The following JARID2 variants were observed in gnomAD, a reference collection of about 807,000 sequenced individuals.
JARID2 encodes the protein protein Jumonji.
Under a neutral mutation model 125.6 loss-of-function variants are expected in JARID2, and 21 were observed. That is an observed-to-expected ratio of 0.17 (90% CI 0.12 to 0.24). The LOEUF is 0.24. Ranked by LOEUF, JARID2 falls within the 10% of genes least tolerant of loss-of-function variation. The pLI is 1.00. For missense variants in JARID2, 1,303 were observed against 1,639.6 expected, an observed-to-expected ratio of 0.79 and a Z score of 3.55; for synonymous variants, 736 against 661.6, an observed-to-expected ratio of 1.11 and a Z score of -1.73.
chr6:15,508,939 G>C (rs1258131728), intron 12 of JARID2: 3 of 1,287,168 alleles, frequency 2.3e-6, no homozygotes, highest in Admixed American at 4.6e-5. Context: ...ATAAACCGTG[G>C]TATTTCATGA....
intron 1 of JARID2, among the ~76,000 whole-genome samples, chr6:15,294,308 T>G (rs1408454056): frequency 6.6e-6 from 1 of 152,296 alleles, no homozygotes; most frequent in East Asian, 1.9e-4. Context: ...TTCTTCTGCC[T>G]CAGCCTCCCG....
intron 3 of JARID2, among the ~76,000 whole-genome samples, chr6:15,448,949 T>C (rs189856441): frequency 7.4e-4 from 112 of 152,228 alleles, no homozygotes; most frequent in African/African-American, 2.3e-3. Context: ...TTTGCCCCCT[T>C]GTTCTATTTT....
chr6:15,312,666 C>T (rs1473000640), intron 1 of JARID2, among the ~76,000 whole-genome samples: 1 of 152,128 alleles, frequency 6.6e-6, no homozygotes. Flanking sequence ...ATGGTTTGTT[C>T]CTTCCTGTTA....
At chr6:15,378,588 G>C (rs970796948) in intron 2 of JARID2, among the ~76,000 whole-genome samples, 1 of 152,134 alleles carries the variant, frequency 6.6e-6, no homozygotes, top group African/African-American at 2.4e-5. Flanking sequence ...AGTCAAACAG[G>C]TATTTAATTC....
At chr6:15,304,967 A>C (rs1378071719) in intron 1 of JARID2, among the ~76,000 whole-genome samples, 1 of 151,974 alleles carries the variant, frequency 6.6e-6, no homozygotes, top group Non-Finnish European at 1.5e-5. Flanking sequence ...TTTTACAACC[A>C]GTTATGATGG....
chr6:15,317,231 G>C (rs1762208522), intron 1 of JARID2, among the ~76,000 whole-genome samples: 1 of 152,070 alleles, frequency 6.6e-6, no homozygotes. Flanking sequence ...TAGCTCTGAG[G>C]ACCAGTTGAA....
At chr6:15,507,479 C>T in intron 11 of JARID2, 63 bp downstream of exon 11, 1 of 1,425,802 alleles carries the variant, frequency 7.0e-7, no homozygotes. Context: ...TTGCTGAGAA[C>T]CAGGGCTGGG....
intron 1 of JARID2, chr6:15,368,810 G>T (rs1278991209): frequency 1.3e-5 from 6 of 448,344 alleles, no homozygotes; most frequent in African/African-American, 6.0e-5. Context: ...CGTCTTGGAG[G>T]TTTCATCTTT....
intron 4 of JARID2, among the ~76,000 whole-genome samples, chr6:15,462,178 C>T (rs1768484826): frequency 6.6e-6 from 1 of 152,092 alleles, no homozygotes; most frequent in Admixed American, 6.5e-5. Flanking sequence ...ATGCAAGTCA[C>T]CTTACAGATA....
rs530885661 is a variant in JARID2 at position 15,441,409 on chromosome 6, G to A, written c.324-10597G>A. 9.2e-5 allele frequency among the ~76,000 whole-genome samples: 14 copies of A among 152,218 alleles called. No homozygotes were observed. In the South Asian group the frequency reaches 2.7e-3, roughly 29 times the overall value. On this transcript the variant is annotated intron_variant, in intron 3 of 17. Coordinates refer to ENST00000341776, the MANE Select transcript of JARID2 (RefSeq NM_004973.4). ...TTAGCATTCCTTTTTTTCCCCTTAGGGGTGATCCCACAGCTGGAGTGTAAA... is the reference window on the plus strand; with the variant it reads ...TTAGCATTCCTTTTTTTCCCCTTAGAGGTGATCCCACAGCTGGAGTGTAAA...
At position 15,451,924 on chromosome 6, in the gene JARID2, T is replaced by C. The variant is rs532991685; in HGVS notation, c.324-82T>C. The C allele has an allele frequency of 3.9e-5, 51 of 1,324,604 alleles. 1 individual carries two copies. In the South Asian group the frequency reaches 6.8e-4, roughly 18 times the overall value. The allele number at this position is 1,324,604 out of a possible 1,614,324, so 82.1% of individuals were successfully genotyped here. A position where few individuals can be genotyped will look rare whatever the true frequency, so the allele number is the denominator to read the frequency against. On this transcript the variant is annotated intron_variant, in intron 3 of 17. Transcript: ENST00000341776. ...AAATAGGATCTTTTTTCCCCTTATG[T>C]GTCATGATTTTATTGCCGCACGTAG...
chr6:15,458,372 C>T (rs767264256), intron 4 of JARID2, among the ~76,000 whole-genome samples: 3 of 152,188 alleles, frequency 2.0e-5, no homozygotes, highest in Non-Finnish European at 2.9e-5. Flanking sequence ...CCGTGGGCAT[C>T]ACAGTTCAGC....
chr6:15,499,477 A>C (rs753445446), intron 7 of JARID2, among the ~76,000 whole-genome samples: 2 of 152,268 alleles, frequency 1.3e-5, no homozygotes, highest in Non-Finnish European at 1.5e-5. Context: ...GAAATATGAA[A>C]GTGTGGATTT....
chr6:15,416,281 G>T (rs1030316784), intron 3 of JARID2, among the ~76,000 whole-genome samples: 1 of 152,188 alleles, frequency 6.6e-6, no homozygotes, highest in Non-Finnish European at 1.5e-5. Flanking sequence ...CTTCCCAGAC[G>T]GGGTGGCGGC....
At chr6:15,288,068 A>G (rs774321823) in intron 1 of JARID2, among the ~76,000 whole-genome samples, 7 of 152,150 alleles carry the variant, frequency 4.6e-5, no homozygotes, top group Non-Finnish European at 8.8e-5. Flanking sequence ...AAGAGTGACC[A>G]CCACGGCAAA....
intron 3 of JARID2, among the ~76,000 whole-genome samples, chr6:15,424,020 T>C (rs1766614955): frequency 6.6e-6 from 1 of 152,192 alleles, no homozygotes; most frequent in African/African-American, 2.4e-5. Flanking sequence ...TCTGCGTTGT[T>C]TGGCCAGTAC....
At chr6:15,386,965 T>A (rs1330261370) in intron 2 of JARID2, among the ~76,000 whole-genome samples, 1 of 152,244 alleles carries the variant, frequency 6.6e-6, no homozygotes, top group African/African-American at 2.4e-5. Flanking sequence ...GGAGGCTTCA[T>A]TCTGACTGTC....
intron 3 of JARID2, among the ~76,000 whole-genome samples, chr6:15,440,300 T>C (rs1767392017): frequency 6.6e-6 from 1 of 152,206 alleles, no homozygotes; most frequent in Non-Finnish European, 1.5e-5. Flanking sequence ...TGATAAAAAC[T>C]GGGAGGACTT....
At position 15,461,802 on chromosome 6, in the gene JARID2, A is replaced by G. The variant is rs181852668; in HGVS notation, c.494-6740A>G. On this transcript the variant is annotated intron_variant, in intron 4 of 17. Coordinates refer to ENST00000341776, the MANE Select transcript of JARID2 (RefSeq NM_004973.4). ...ATACAGTTGAGTAACCTCGAGTCTC[A>G]TGGCAAGTAAGCATCTCCCAGAGCC... 3.3e-5 allele frequency among the ~76,000 whole-genome samples: 5 copies of G among 152,218 alleles called. No individual in the cohort carries two copies. The East Asian group carries it at 9.7e-4, about 29-fold the overall frequency.
Sources: gnomAD v4.1 joint callset for allele counts (sites outside exome capture counted in the v4.1 genomes callset) on GRCh38, gnomAD v4.1.1 for gene constraint, MANE v1.5 for transcripts, NCBI Gene and HGNC (gene_info 2026-07-23, HGNC 2026-07-21) for gene names.